Variants in LINGO2 observed in about 807,000 individuals in gnomAD.
The protein encoded by LINGO2 is leucine-rich repeat and immunoglobulin-like domain-containing nogo receptor-interacting protein 2.
A neutral mutation model predicts 30.6 loss-of-function variants in LINGO2; 14 were observed. That is an observed-to-expected ratio of 0.46 (90% CI 0.30 to 0.72). The LOEUF (loss-of-function observed/expected upper bound fraction) is 0.72, where lower values mean the gene tolerates loss of function less well. Ranked by LOEUF, LINGO2 falls within the 30% of genes least tolerant of loss-of-function variation. The pLI is 0.07. For missense variants in LINGO2, 729 were observed against 751.7 expected (o/e 0.97, Z 0.35); for synonymous variants, 317 against 288.5 (o/e 1.10, Z -1.00).
At chr9:28,039,622 G>A (rs1385172848) in intron 4 of LINGO2, among the ~76,000 whole-genome samples, 3 of 151,976 alleles carry the variant, frequency 2.0e-5, no homozygotes, top group Admixed American at 6.6e-5. Context: ...TATTACATCT[G>A]GGTGGATATG....
chr9:28,308,786 C>G (rs1287788299), intron 3 of LINGO2, among the ~76,000 whole-genome samples: 4 of 151,944 alleles, frequency 2.6e-5, no homozygotes, highest in Non-Finnish European at 5.9e-5. Context: ...TGAACAGACT[C>G]TTCTCAAAAG....
chr9:27,958,022 C>T (rs1819662464), intron 5 of LINGO2, among the ~76,000 whole-genome samples: 2 of 152,188 alleles, frequency 1.3e-5, no homozygotes, highest in African/African-American at 4.8e-5. Flanking sequence ...TATCTTCCTT[C>T]CTTTCCTAAT....
chr9:28,709,918 T>C, the LINGO2 span, among the ~76,000 whole-genome samples: 1 of 151,934 alleles, frequency 6.6e-6, no homozygotes, highest in Non-Finnish European at 1.5e-5. Flanking sequence ...GATTTAATGG[T>C]TCACATATAT....
intron 1 of LINGO2, among the ~76,000 whole-genome samples, chr9:28,617,280 G>T (rs1826171384): frequency 6.6e-6 from 1 of 151,416 alleles, no homozygotes; most frequent in Admixed American, 6.6e-5. Flanking sequence ...TTAATCTAAA[G>T]AATATTTCTT....
At chr9:28,059,905 G>C (rs1200198011) in intron 4 of LINGO2, among the ~76,000 whole-genome samples, 1 of 151,852 alleles carries the variant, frequency 6.6e-6, no homozygotes, top group Non-Finnish European at 1.5e-5. Context: ...GGGTATGAGA[G>C]GCAAAGGGGA....
chr9:29,091,664 T>C, the LINGO2 span, among the ~76,000 whole-genome samples: 1 of 151,990 alleles, frequency 6.6e-6, no homozygotes, highest in Non-Finnish European at 1.5e-5. Context: ...ATAATGTCTA[T>C]CTCGTCCACA....
At chr9:28,932,565 T>A in the LINGO2 span, among the ~76,000 whole-genome samples, 1 of 152,188 alleles carries the variant, frequency 6.6e-6, no homozygotes, top group African/African-American at 2.4e-5. Context: ...CACTTTTAAA[T>A]CTTTACCTCT....
chr9:28,100,531 A>G (rs897347902), intron 4 of LINGO2, among the ~76,000 whole-genome samples: 2 of 152,204 alleles, frequency 1.3e-5, no homozygotes. Context: ...AAAGATATAA[A>G]ATGTAGTCAC....
intron 1 of LINGO2, among the ~76,000 whole-genome samples, chr9:28,656,395 C>T (rs140200334): frequency 1.3e-5 from 2 of 152,036 alleles, no homozygotes; most frequent in South Asian, 4.1e-4. Flanking sequence ...ATCAACTTAA[C>T]CAAATGATTA....
intron 2 of LINGO2, among the ~76,000 whole-genome samples, chr9:28,395,808 G>A (rs932747685): frequency 6.6e-6 from 1 of 152,086 alleles, no homozygotes; most frequent in Admixed American, 6.6e-5. Flanking sequence ...ACCTCAGCAG[G>A]GCAAATTCAC....
At chr9:28,652,711 A>C (rs1034091506) in intron 1 of LINGO2, among the ~76,000 whole-genome samples, 1 of 150,810 alleles carries the variant, frequency 6.6e-6, no homozygotes, top group African/African-American at 2.4e-5. Flanking sequence ...GAAATCCCAG[A>C]AAAAAAAAGG....
intron 4 of LINGO2, among the ~76,000 whole-genome samples, chr9:28,276,147 A>T (rs1587372222): frequency 6.6e-6 from 1 of 152,182 alleles, no homozygotes; most frequent in Admixed American, 6.5e-5. Context: ...AAATCTTCAT[A>T]TCAGGAGCCT....
chr9:28,848,240 C>CACTATATATACGCGTATATATAT, the LINGO2 span, among the ~76,000 whole-genome samples: 1 of 96,766 alleles, frequency 1.0e-5, no homozygotes, highest in African/African-American at 5.3e-5. Context: ...TATATATACA[C>CACTATATATACGCGTATATATAT]ACTATATATA....
chr9:28,525,932 T>C (rs1340168025), intron 1 of LINGO2, among the ~76,000 whole-genome samples: 2 of 151,448 alleles, frequency 1.3e-5, no homozygotes, highest in Non-Finnish European at 2.9e-5. Flanking sequence ...GGCGGGCGCT[T>C]GCAGTCCCAG....
chr9:29,080,179 G>A, the LINGO2 span, among the ~76,000 whole-genome samples: 12 of 152,042 alleles, frequency 7.9e-5, no homozygotes, highest in Non-Finnish European at 1.5e-4. Context: ...TTGGGAGGGG[G>A]TATGTGACCA....
At chr9:28,712,370 AT>A in the LINGO2 span, among the ~76,000 whole-genome samples, 2 of 152,080 alleles carry the variant, frequency 1.3e-5, no homozygotes, top group African/African-American at 2.4e-5. Context: ...TCTCTTATAT[AT>A]AAAAACTTTA....
the LINGO2 span, among the ~76,000 whole-genome samples, chr9:29,098,951 G>A: frequency 1.3e-5 from 2 of 152,060 alleles, no homozygotes; most frequent in African/African-American, 4.8e-5. Context: ...GAACGAAACT[G>A]GATGCATCAC....
the LINGO2 span, among the ~76,000 whole-genome samples, chr9:28,915,191 G>A: frequency 1.3e-5 from 2 of 152,074 alleles, no homozygotes; most frequent in African/African-American, 4.8e-5. Context: ...CAAACTTTGA[G>A]GACACAGAAA....
the LINGO2 span, among the ~76,000 whole-genome samples, chr9:28,790,504 A>AT: frequency 0.2 from 28,477 of 140,800 alleles, 2,927 homozygotes; most frequent in East Asian, 0.32. Flanking sequence ...AATTTTTTGT[A>AT]TTTTTTTTTT....
Sources: gnomAD v4.1 joint callset for allele counts (sites outside exome capture counted in the v4.1 genomes callset) on GRCh38, gnomAD v4.1.1 for gene constraint, MANE v1.5 for transcripts, NCBI Gene and HGNC (gene_info 2026-07-23, HGNC 2026-07-21) for gene names.